SCN2A: variants seen among roughly 807,000 people sequenced by gnomAD.
SCN2A encodes the protein sodium voltage-gated channel alpha subunit 2.
In SCN2A, 20 loss-of-function variants were observed where a neutral mutation model predicts 188.7. The observed-to-expected ratio is 0.11, with a 90% CI of 0.07 to 0.15. The LOEUF (loss-of-function observed/expected upper bound fraction) is 0.15, where lower values mean the gene tolerates loss of function less well. SCN2A is among the 10% of genes least tolerant of loss of function. The pLI is 1.00. For missense variants in SCN2A, 1,278 were observed against 2,445.0 expected (o/e 0.52, Z 10.07); for synonymous variants, 804 against 833.1 (o/e 0.97, Z 0.60).
At chr2:165,376,346 G>GA in intron 22 of SCN2A, among the ~76,000 whole-genome samples, 1 of 151,422 alleles carries the variant, frequency 6.6e-6, no homozygotes, top group East Asian at 1.9e-4. Flanking sequence ...ATATATTTTT[G>GA]AAAAGCAATT....
Position 165,331,372 on chromosome 2 carries a change from A to C in SCN2A, c.2192A>C (p.Lys731Thr), listed in dbSNP as rs1698664503. The C allele has an allele frequency of 2.5e-6, 4 of 1,613,788 alleles. No individual in the cohort carries two copies. Among genetic ancestry groups the C allele is most frequent in the Non-Finnish European group, 3.4e-6 (4 of 1,179,764 alleles). Residue 731 changes from lysine (K) to threonine (T), a missense_variant, in exon 14 of 27, where the codon AAA becomes ACA. Physicochemically the swap from Lys to Thr is moderately conservative, Grantham distance 78. This residue lies in a region of SCN2A where 315 missense variants were observed against 386.6 expected (regional missense o/e 0.81). Coordinates refer to ENST00000375437, the MANE Select transcript of SCN2A (RefSeq NM_001040142.2). ...SRQKCPPCWY[K>T]FANMCLIWDC... The stretch of plus-strand genomic sequence containing the variant: ...CAGAAATGCCCACCATGCTGGTATA[A>C]ATTTGCTAATATGTGTTTGATTTGG...
At chr2:165,275,684 A>G (rs1695303086) in intron 1 of SCN2A, among the ~76,000 whole-genome samples, 1 of 152,142 alleles carries the variant, frequency 6.6e-6, no homozygotes, top group African/African-American at 2.4e-5. Context: ...AAAGACAGAG[A>G]AAAGAGCATT....
chr2:165,359,782 A>G (rs183405549), intron 17 of SCN2A, among the ~76,000 whole-genome samples: 2 of 152,140 alleles, frequency 1.3e-5, no homozygotes, highest in East Asian at 1.9e-4. Context: ...TATCTTTAAT[A>G]TAAGAACAAA....
At chr2:165,248,455 A>T (rs955259253) in intron 1 of SCN2A, among the ~76,000 whole-genome samples, 2 of 152,060 alleles carry the variant, frequency 1.3e-5, no homozygotes, top group African/African-American at 4.8e-5. Context: ...TTGCATGACT[A>T]ACCTCCTCAC....
At chr2:165,360,474 A>G (rs1406520994) in intron 17 of SCN2A, among the ~76,000 whole-genome samples, 1 of 151,974 alleles carries the variant, frequency 6.6e-6, no homozygotes, top group Non-Finnish European at 1.5e-5. Flanking sequence ...ATTTGATTAT[A>G]ATTATCCAGC....
intron 3 of SCN2A, among the ~76,000 whole-genome samples, chr2:165,306,313 G>A (rs75629648): frequency 6.6e-6 from 1 of 152,270 alleles, no homozygotes; most frequent in Non-Finnish European, 1.5e-5. Context: ...GACCACTGAG[G>A]TTTGTGACCA....
At chr2:165,291,999 T>G (rs1696237423) in intron 1 of SCN2A, among the ~76,000 whole-genome samples, 1 of 152,062 alleles carries the variant, frequency 6.6e-6, no homozygotes, top group Admixed American at 6.6e-5. Context: ...GTTGGGAGGC[T>G]AGAGCTGCTA....
intron 16 of SCN2A, among the ~76,000 whole-genome samples, chr2:165,345,844 T>C (rs1005904799): frequency 6.6e-6 from 1 of 152,210 alleles, no homozygotes; most frequent in Non-Finnish European, 1.5e-5. Flanking sequence ...CAGTGGCTGG[T>C]ACTGGTTTTT....
intron 17 of SCN2A, among the ~76,000 whole-genome samples, chr2:165,359,103 G>A (rs1700321820): frequency 6.6e-6 from 1 of 152,048 alleles, no homozygotes; most frequent in Admixed American, 6.6e-5. Flanking sequence ...CATTCCTGGA[G>A]CATTCTTTTA....
chr2:165,282,436 T>C (rs1191514428), intron 1 of SCN2A, among the ~76,000 whole-genome samples: 1 of 152,226 alleles, frequency 6.6e-6, no homozygotes, highest in Non-Finnish European at 1.5e-5. Flanking sequence ...GCTCTGTGTT[T>C]GCCCTGCAAG....
chr2:165,373,818 C>T (rs1010835814), intron 21 of SCN2A, among the ~76,000 whole-genome samples: 5 of 151,980 alleles, frequency 3.3e-5, no homozygotes, highest in Non-Finnish European at 5.9e-5. Context: ...AAATCTAACG[C>T]TCATTTAGAA....
chr2:165,360,311 A>G (rs1049458004), intron 17 of SCN2A, among the ~76,000 whole-genome samples: 2 of 152,016 alleles, frequency 1.3e-5, no homozygotes, highest in African/African-American at 4.8e-5. Context: ...CTGTCTAAAG[A>G]AAAACTATTC....
chr2:165,287,334 T>G (rs912598999), intron 1 of SCN2A, among the ~76,000 whole-genome samples: 1 of 152,162 alleles, frequency 6.6e-6, no homozygotes, highest in Admixed American at 6.5e-5. Flanking sequence ...ATATGTGCAG[T>G]GTGTTTACTG....
chr2:165,391,584 A>T lies in SCN2A; in HGVS notation c.*1760A>T, dbSNP rs1216548171. 8 of 152,454 alleles carry T rather than the reference A, an allele frequency of 5.2e-5. No homozygotes were observed. Among genetic ancestry groups the T allele is most frequent in the Non-Finnish European group, 1.0e-4 (7 of 67,968 alleles). 9.4% of individuals were successfully genotyped at this position (152,454 alleles called of 1,614,324 possible). ...GTACTGTAAACTTGCACACATTTCA[A>T]TGTGAAACAAATCTCAAACTGAGTT... On this transcript the variant is annotated 3_prime_UTR_variant, in exon 27 of 27. Transcript: ENST00000375437.
chr2:165,270,816 A>C (rs1695071498), intron 1 of SCN2A: 1 of 152,194 alleles, frequency 6.6e-6, no homozygotes, highest in Non-Finnish European at 1.5e-5. Flanking sequence ...CATCAACTTC[A>C]GATCTCAATG....
intron 1 of SCN2A, among the ~76,000 whole-genome samples, chr2:165,261,088 G>C (rs112678033): frequency 0.15 from 22,314 of 151,532 alleles, 1,689 homozygotes; most frequent in South Asian, 0.23. Context: ...TAAATGCTAT[G>C]TAAACAGTTG....
rs556378409 is a variant in SCN2A, at chr2:165,360,102, A to G, written c.3400-5041A>G. Among the ~76,000 whole-genome samples, 3 of 152,018 alleles carry G rather than the reference A, an allele frequency of 2.0e-5. No individual in the cohort carries two copies. The South Asian group carries it at 6.2e-4, about 32-fold the overall frequency. ...TTTTAAGTGCCAATTTTTTAATTAA[A>G]TTAAATTAAAATCTCTCTCTCTTTT... On this transcript the variant is annotated intron_variant, in intron 17 of 26. Coordinates refer to ENST00000375437, the MANE Select transcript of SCN2A (RefSeq NM_001040142.2).
intron 11 of SCN2A, among the ~76,000 whole-genome samples, chr2:165,322,738 G>T (rs547997123): frequency 5.3e-5 from 8 of 152,258 alleles, no homozygotes; most frequent in African/African-American, 1.9e-4. Flanking sequence ...CTACATTTTT[G>T]ACCTCAGAGG....
chr2:165,242,826 A>C (rs1267373914), intron 1 of SCN2A, among the ~76,000 whole-genome samples: 1 of 152,222 alleles, frequency 6.6e-6, no homozygotes, highest in Non-Finnish European at 1.5e-5. Flanking sequence ...TCCTTGACAC[A>C]GGAAGAAAGG....
Sources: allele counts gnomAD v4.1 joint callset (sites outside exome capture counted in the v4.1 genomes callset), GRCh38; gene constraint gnomAD v4.1.1; regional missense constraint gnomAD v4.1.1; transcripts MANE v1.5; gene names NCBI Gene and HGNC (gene_info 2026-07-23, HGNC 2026-07-21).